The following ANKRD11 variants were observed in gnomAD, a reference collection of about 807,000 sequenced individuals.
The protein encoded by ANKRD11 is ankyrin repeat domain 11, also known as ankyrin repeat domain-containing protein 11.
ANKRD11 carries 17 observed loss-of-function variants against 195.7 expected under a neutral mutation model. The ratio of observed to expected loss-of-function variants is 0.09; its 90% CI spans 0.06 to 0.13. The LOEUF (loss-of-function observed/expected upper bound fraction) is 0.13. Ranked by LOEUF, ANKRD11 falls within the 10% of genes least tolerant of loss-of-function variation. The probability of loss-of-function intolerance (pLI) is 1.00; values close to 1 mark genes in which losing one functional copy is unlikely to be tolerated. For synonymous variants in ANKRD11, 1,953 were observed against 1,528.1 expected, an observed-to-expected ratio of 1.28 and a Z score of -6.49; for missense variants, 3,735 against 3,566.1, an observed-to-expected ratio of 1.05 and a Z score of -1.21.
intron 1 of ANKRD11, among the ~76,000 whole-genome samples, chr16:89,481,182 C>T (rs1338439203): frequency 6.6e-6 from 1 of 152,156 alleles, no homozygotes; most frequent in Non-Finnish European, 1.5e-5. Context: ...TTAATGAATA[C>T]CAGTTAACAC....
In ANKRD11 at chr16:89,275,951, C is replaced by CA. The variant is rs1197061792; in HGVS notation, c.7471-761dup. On this transcript the variant is annotated intron_variant, in intron 9 of 12. Transcript: ENST00000301030. ...CAGAGACCTCAGGCCCACAGGGAGTCAGGTTTCCAAAGCAGACCCAGAAAG... is the reference window on the plus strand; with the variant it reads ...CAGAGACCTCAGGCCCACAGGGAGTCAAGGTTTCCAAAGCAGACCCAGAAAG... 9.8e-5 allele frequency among the ~76,000 whole-genome samples: 15 copies of CA among 152,314 alleles called. No homozygotes were observed. The East Asian group carries it at 2.9e-3, about 29-fold the overall frequency.
intron 3 of ANKRD11, among the ~76,000 whole-genome samples, chr16:89,310,369 ACTGT>A (rs1013664496): frequency 6.6e-6 from 1 of 152,198 alleles, no homozygotes; most frequent in African/African-American, 2.4e-5. Context: ...ATGAAACTAC[ACTGT>A]CTGCATCCTC....
intron 2 of ANKRD11, among the ~76,000 whole-genome samples, chr16:89,375,595 AG>A (rs1314755159): frequency 2.0e-5 from 3 of 151,854 alleles, no homozygotes; most frequent in Non-Finnish European, 2.9e-5. Flanking sequence ...GAGTGATTAC[AG>A]GCGCCCGCCA....
intron 1 of ANKRD11, among the ~76,000 whole-genome samples, chr16:89,437,621 G>C (rs1033013101): frequency 2.6e-5 from 4 of 152,080 alleles, no homozygotes; most frequent in African/African-American, 9.7e-5. Context: ...ATGTCCAAGG[G>C]GTTTATGAAA....
At chr16:89,435,526 C>T (rs2043177641) in intron 1 of ANKRD11, among the ~76,000 whole-genome samples, 1 of 152,000 alleles carries the variant, frequency 6.6e-6, no homozygotes, top group Non-Finnish European at 1.5e-5. Context: ...AGCGAGACCA[C>T]GAACCCACCA....
At chr16:89,448,287 TATAAAA>T (rs1449761437) in intron 1 of ANKRD11, among the ~76,000 whole-genome samples, 1 of 152,166 alleles carries the variant, frequency 6.6e-6, no homozygotes, top group Non-Finnish European at 1.5e-5. Context: ...TTCCATGTAA[TATAAAA>T]AGAAAAAGTC....
chr16:89,442,733 C>T (rs1229554156), intron 1 of ANKRD11, among the ~76,000 whole-genome samples: 5 of 152,214 alleles, frequency 3.3e-5, no homozygotes, highest in Admixed American at 6.5e-5. Context: ...AACCCAGACA[C>T]GCACAGCAAG....
At chr16:89,469,605 A>T (rs2057002091) in intron 1 of ANKRD11, among the ~76,000 whole-genome samples, 1 of 151,754 alleles carries the variant, frequency 6.6e-6, no homozygotes. Flanking sequence ...GCAAATAAGA[A>T]AGGAAAAAGT....
At chr16:89,389,974 C>T (rs1192951415) in intron 2 of ANKRD11, among the ~76,000 whole-genome samples, 2 of 67,490 alleles carry the variant, frequency 3.0e-5, no homozygotes, top group Non-Finnish European at 5.6e-5. Context: ...GGGCGAACAC[C>T]GAGTGTGGCG....
intron 2 of ANKRD11, among the ~76,000 whole-genome samples, chr16:89,362,206 C>A (rs551331462): frequency 6.6e-6 from 1 of 152,340 alleles, no homozygotes; most frequent in African/African-American, 2.4e-5. Context: ...CCTTCTTCTT[C>A]CCCTTCTGAA....
chr16:89,284,883 G>T lies in ANKRD11; in HGVS notation c.1659C>A (p.Thr553=), dbSNP rs1735963625. The change falls in exon 9 of 13, where the codon ACC becomes ACA. Residue 553 remains threonine (T), a synonymous_variant. Coordinates refer to ENST00000301030, the MANE Select transcript of ANKRD11 (RefSeq NM_013275.6). ...CCTCTGACCAAGCCGGGGAAGAAAT[G>T]GTTTTCCAATTGTCTGTCCGCCAGT... ...TKHWRTDNWK[T]ISSPAWSEVS... is the part of the protein sequence containing the mutation. 6.2e-7 allele frequency: 1 copy of T among 1,613,520 alleles called. No homozygotes were observed. The highest frequency in any genetic ancestry group is 1.3e-5 in the African/African-American group (1 of 74,910).
intron 2 of ANKRD11, among the ~76,000 whole-genome samples, chr16:89,363,184 G>C (rs1161471368): frequency 6.6e-6 from 1 of 152,064 alleles, no homozygotes; most frequent in Admixed American, 6.5e-5. Flanking sequence ...AAAAATATAC[G>C]ATGTTTCCAG....
chr16:89,273,428 G>A (rs6500545), intron 11 of ANKRD11, among the ~76,000 whole-genome samples: 14,450 of 152,196 alleles, frequency 0.095, 929 homozygotes, highest in East Asian at 0.36. Flanking sequence ...TCGGCTGGGT[G>A]CGGTGGCTCA....
chr16:89,415,829 C>CAA (rs71134220), intron 2 of ANKRD11, among the ~76,000 whole-genome samples: 726 of 39,702 alleles, frequency 0.018, 38 homozygotes, highest in African/African-American at 0.044. Flanking sequence ...GACTCTGTCT[C>CAA]AAAAAAAAAA....
intron 1 of ANKRD11, among the ~76,000 whole-genome samples, chr16:89,422,465 C>T (rs2042556955): frequency 6.6e-6 from 1 of 152,180 alleles, no homozygotes; most frequent in South Asian, 2.1e-4. Flanking sequence ...AACAAGGCAT[C>T]CACGGACTGA....
chr16:89,461,390 G>A (rs1031475292), intron 1 of ANKRD11, among the ~76,000 whole-genome samples: 1 of 152,104 alleles, frequency 6.6e-6, no homozygotes, highest in Non-Finnish European at 1.5e-5. Context: ...TAATACCAGA[G>A]AACTGCACAC....
At chr16:89,343,456 C>T (rs1455434068) in intron 2 of ANKRD11, among the ~76,000 whole-genome samples, 1 of 152,140 alleles carries the variant, frequency 6.6e-6, no homozygotes, top group South Asian at 2.1e-4. Flanking sequence ...CTCTTAAAAG[C>T]CAGGGTACAC....
chr16:89,347,191 C>A (rs1051496526), intron 2 of ANKRD11, among the ~76,000 whole-genome samples: 3 of 152,206 alleles, frequency 2.0e-5, no homozygotes, highest in African/African-American at 7.2e-5. Context: ...AACACTGCCA[C>A]AGCAGCACCT....
At chr16:89,411,463 G>C (rs956254000) in intron 2 of ANKRD11, among the ~76,000 whole-genome samples, 3 of 152,304 alleles carry the variant, frequency 2.0e-5, no homozygotes, top group African/African-American at 7.2e-5. Flanking sequence ...CCTAGAGCTG[G>C]AGTGCAGTGG....
Sources: allele counts gnomAD v4.1 joint callset (sites outside exome capture counted in the v4.1 genomes callset), GRCh38; gene constraint gnomAD v4.1.1; transcripts MANE v1.5; gene names NCBI Gene and HGNC (gene_info 2026-07-23, HGNC 2026-07-21).